Variants in CDC42BPG observed in about 807,000 individuals in gnomAD.
CDC42BPG encodes the protein CDC42 binding protein kinase gamma, also known as serine/threonine-protein kinase MRCK gamma.
In CDC42BPG, 157 loss-of-function variants were observed where a neutral mutation model predicts 192.2. That is an observed-to-expected ratio of 0.82 (90% confidence interval 0.72 to 0.93). CDC42BPG has a LOEUF of 0.93. Among genes scored for constraint, CDC42BPG ranks in the 40% least tolerant of loss-of-function variants. The pLI is 0.00. For synonymous variants in CDC42BPG, 981 were observed against 918.5 expected, an observed-to-expected ratio of 1.07 and a Z score of -1.23; for missense variants, 1,992 against 2,122.1, an observed-to-expected ratio of 0.94 and a Z score of 1.20.
At chr11:64,842,521 TG>T (rs1471198144) in intron 1 of CDC42BPG, among the ~76,000 whole-genome samples, 1 of 152,044 alleles carries the variant, frequency 6.6e-6, no homozygotes, top group Non-Finnish European at 1.5e-5. Flanking sequence ...TCTGCCAAGG[TG>T]CTGAGACTCA....
chr11:64,831,819 GT>G, intron 27 of CDC42BPG, 98 bp from the exon 28 acceptor site: 1 of 1,098,954 alleles, frequency 9.1e-7, no homozygotes, highest in Non-Finnish European at 1.3e-6. Flanking sequence ...GGGGCCTAGC[GT>G]GCACTGTCAG....
intron 36 of CDC42BPG, among the ~76,000 whole-genome samples, chr11:64,825,733 A>AC (rs1388845869): frequency 4.0e-5 from 6 of 151,154 alleles, no homozygotes; most frequent in Admixed American, 2.0e-4. Context: ...CCCTCCTCTG[A>AC]CCCCCCAACT....
rs752100797 is a variant in CDC42BPG at position 64,827,296 on chromosome 11, T to G, written c.4253A>C (p.Gln1418Pro). The G allele has an allele frequency of 2.5e-6, 4 of 1,613,822 alleles. No homozygotes were observed. The highest frequency in any genetic ancestry group is 3.4e-6 in the Non-Finnish European group (4 of 1,179,918). The change falls in exon 33 of 37, where the codon CAG becomes CCG. Residue 1418 changes from glutamine to proline, a missense_variant. By Grantham distance (76) the Gln-to-Pro change is moderately conservative. This residue lies in a region of CDC42BPG where 336 missense variants were observed against 277.9 expected (regional missense o/e 1.21). Coordinates refer to ENST00000342711, the MANE Select transcript of CDC42BPG (RefSeq NM_017525.3). ...CGCGCACCTGCGCTGCTGCTTCTGC[T>G]GCTCCTCCGACACGCGGAAAAAGAA... Reference protein sequence around the residue: ...RRFFFRVSEEQQKQQRREMLK... With the variant: ...RRFFFRVSEEPQKQQRREMLK...
At position 64,837,025 on chromosome 11, in the gene CDC42BPG, G is replaced by C; in HGVS notation, c.1206-6C>G. On this transcript the variant is annotated splice_region_variant and splice_polypyrimidine_tract_variant and intron_variant, in intron 9 of 36. Transcript: ENST00000342711. The stretch of plus-strand genomic sequence containing the variant: ...AGCTGCTCTCAGGACTGTGACTGTA[G>C]GGGGACAGGGGCCATGTTTGTTGGT... 1.2e-6 allele frequency: 2 copies of C among 1,608,774 alleles called. No individual in the cohort carries two copies. Among genetic ancestry groups the C allele is most frequent in the Non-Finnish European group, 1.7e-6 (2 of 1,175,652 alleles).
In CDC42BPG at chr11:64,834,472, C is replaced by T; in HGVS notation, c.2281G>A (p.Glu761Lys). The T allele has an allele frequency of 6.4e-7, 1 of 1,569,296 alleles. No homozygotes were observed. Among genetic ancestry groups the T allele is most frequent in the South Asian group, 1.2e-5 (1 of 86,386 alleles). ...AEIRAKQGLQ[E>K]RLTQVQEAQL... is the part of the protein sequence containing the mutation. ...GCCTCCTGCACCTGTGTCAGCCGCT[C>T]CTGCAGGCCCTGCTTGGCGCGGATC... The change falls in exon 19 of 37, where the codon GAG becomes AAG. Residue 761 changes from glutamate to lysine, a missense_variant. Glu to Lys is a moderately conservative substitution (Grantham distance 56). Around this residue, in one of 2 missense-constraint regions of CDC42BPG, gnomAD observed 1,656 missense variants for 1,844.3 expected, o/e 0.90. Transcript: ENST00000342711.
rs1286071200 is a variant in CDC42BPG at position 64,831,766 on chromosome 11, C to T, written c.3088-45G>A. ...CTGGAGGGCCGTGGACCAGAGCCAT[C>T]TGTCCTCCCTCCCTTCCTGCCTCCA... is the stretch of plus-strand genomic sequence containing the variant. On this transcript the variant is annotated intron_variant, in intron 27 of 36. Coordinates refer to ENST00000342711, the MANE Select transcript of CDC42BPG (RefSeq NM_017525.3). The T allele has an allele frequency of 2.0e-6, 3 of 1,506,634 alleles. No individual in the cohort carries two copies. In the South Asian group the frequency reaches 3.6e-5, roughly 18 times the overall value. The allele number at this position is 1,506,634 out of a possible 1,614,324, so 93.3% of individuals were successfully genotyped here.
At position 64,835,064 on chromosome 11, in the gene CDC42BPG, G is replaced by A. The variant is rs757490277; in HGVS notation, c.2043C>T (p.Leu681=). The change falls in exon 17 of 37, where the codon CTC becomes CTT. Residue 681 remains leucine (L), a synonymous_variant. Coordinates refer to ENST00000342711, the MANE Select transcript of CDC42BPG (RefSeq NM_017525.3). ...GCACCCACCAGCTGAGGATGTCGGCGAGCTGGGCCTCCCAGTTGCTCTCCG... is the reference window on the plus strand; with the variant it reads ...GCACCCACCAGCTGAGGATGTCGGCAAGCTGGGCCTCCCAGTTGCTCTCCG... ...RETESNWEAQ[L]ADILSWVNDE... The A allele has an allele frequency of 1.6e-5, 25 of 1,601,446 alleles. No homozygotes were observed. The East Asian group carries it at 4.5e-4, about 29-fold the overall frequency.
In CDC42BPG at chr11:64,836,759, G is replaced by A; in HGVS notation, c.1364C>T (p.Thr455Ile). 4 of 1,525,154 alleles carry A rather than the reference G, an allele frequency of 2.6e-6. No homozygotes were observed. Among genetic ancestry groups the A allele is most frequent in the Non-Finnish European group, 3.5e-6 (4 of 1,132,942 alleles). The allele number at this position is 1,525,154 out of a possible 1,614,324, so 94.5% of individuals were successfully genotyped here. The change falls in exon 11 of 37, where the codon ACT (threonine) becomes ATT (isoleucine). Residue 455 changes from threonine (T) to isoleucine (I), a missense_variant. Physicochemically the swap from Thr to Ile is moderately conservative, Grantham distance 89 (BLOSUM62 -1). Around this residue, in one of 2 missense-constraint regions of CDC42BPG, gnomAD observed 1,656 missense variants for 1,844.3 expected, o/e 0.90. Transcript: ENST00000342711. Reference sequence around the variant, plus strand: ...GATACCTGGCAGCCTGTCCCGCAGAGTCTGCACTTCCTTCCGTAGCTGCTC... The same window carrying A: ...GATACCTGGCAGCCTGTCCCGCAGAATCTGCACTTCCTTCCGTAGCTGCTC... ...ELEQLRKEVQ[T>I]LRDRLPEMLR...
At chr11:64,832,989 G>A in intron 24 of CDC42BPG, 30 bp from the exon 25 acceptor site, 1 of 1,505,736 alleles carries the variant, frequency 6.6e-7, no homozygotes, top group South Asian at 1.3e-5. Flanking sequence ...GGTGGATGAG[G>A]TGAGGCTGGG....
In CDC42BPG at chr11:64,833,628, G is replaced by A. The variant is rs1942816628; in HGVS notation, c.2597C>T (p.Thr866Ile). The change falls in exon 23 of 37, where the codon ACA becomes ATA. Residue 866 changes from threonine to isoleucine, a missense_variant. This residue lies in a region of CDC42BPG where 1,656 missense variants were observed against 1,844.3 expected (regional missense o/e 0.90). Coordinates refer to ENST00000342711, the MANE Select transcript of CDC42BPG (RefSeq NM_017525.3). ...AVFPRAPTAN[T>I]ASTEGLPAKP... ...AGCAGGAAGACCTTCTGTAGAGGCT[G>A]TGTTGGCAGTGGGTGCTCTGGGGAA... is the stretch of plus-strand genomic sequence containing the variant. 3.1e-6 allele frequency: 5 copies of A among 1,612,010 alleles called. No individual in the cohort carries two copies. The East Asian group carries it at 1.1e-4, about 36-fold the overall frequency.
rs1265312724 is a variant in CDC42BPG at position 64,834,088 on chromosome 11, G to T, written c.2414-111C>A. ...AAATGGGAAATGACCACAGGGTGGG[G>T]CAGGGCTGGGCACAGCAGGCACTCC... On this transcript the variant is annotated intron_variant, in intron 20 of 36. Transcript: ENST00000342711. The T allele has an allele frequency of 1.0e-5, 15 of 1,496,358 alleles. No homozygotes were observed. In the East Asian group the frequency reaches 2.0e-4, roughly 20 times the overall value. The allele number at this position is 1,496,358 out of a possible 1,614,324, so 92.7% of individuals were successfully genotyped here. A position where few individuals can be genotyped will look rare whatever the true frequency, so the allele number is the denominator to read the frequency against.
Position 64,834,507 on chromosome 11 carries a change from A to G in CDC42BPG, c.2246T>C (p.Leu749Pro). Residue 749 changes from leucine to proline, a missense_variant, in exon 19 of 37, where the codon CTG (leucine) becomes CCG (proline). By Grantham distance (98) the Leu-to-Pro change is moderately conservative (BLOSUM62 -3). Coordinates refer to ENST00000342711, the MANE Select transcript of CDC42BPG (RefSeq NM_017525.3). ...ASARLELQSA[L>P]EAEIRAKQGL... ...CTGCTTGGCGCGGATCTCGGCCTCC[A>G]GCGCTGACTGCAGCTCCAGCCTGGC... 1 of 1,578,018 alleles carries G rather than the reference A, an allele frequency of 6.3e-7. No individual in the cohort carries two copies. Among genetic ancestry groups the G allele is most frequent in the South Asian group, 1.1e-5 (1 of 87,056 alleles).
chr11:64,831,852 G>T, intron 27 of CDC42BPG, 131 bp from the exon 28 acceptor site: 2 of 775,166 alleles, frequency 2.6e-6, no homozygotes, highest in Non-Finnish European at 4.1e-6. Context: ...AGGCCAGACA[G>T]GCAAACAGAC....
chr11:64,840,221 C>G lies in CDC42BPG; in HGVS notation c.480G>C (p.Leu160=). ...YYAGGDLLTL[L]SRFEDRLPPE... ...GCGGGAGACGGTCCTCGAAGCGGCT[C>G]AGCAGCGTCAGGAGGTCCCCACCAG... Residue 160 remains leucine, a synonymous_variant, in exon 5 of 37, where the codon CTG becomes CTC. Coordinates refer to ENST00000342711, the MANE Select transcript of CDC42BPG (RefSeq NM_017525.3). 6.2e-7 allele frequency: 1 copy of G among 1,613,048 alleles called. No individual in the cohort carries two copies. The highest frequency in any genetic ancestry group is 8.5e-7 in the Non-Finnish European group (1 of 1,179,996).
intron 22 of CDC42BPG, 34 bp downstream of exon 22, chr11:64,833,704 C>G: frequency 6.2e-7 from 1 of 1,613,420 alleles, no homozygotes; most frequent in Admixed American, 1.7e-5. Flanking sequence ...AGGGCGGGGC[C>G]CAGGCCCCCT....
Position 64,829,976 on chromosome 11 carries a change from G to A in CDC42BPG, c.3462C>T (p.Ser1154=), listed in dbSNP as rs376414221. 3.0e-5 allele frequency: 48 copies of A among 1,612,756 alleles called. No individual in the cohort carries two copies. Among genetic ancestry groups the A allele is most frequent in the East Asian group, 6.7e-5 (3 of 44,890 alleles). Residue 1154 remains serine, a synonymous_variant, in exon 30 of 37, where the codon AGC becomes AGT. Transcript: ENST00000342711. ...LLVVLCGRGP[S]VRLFALAELE... Reference sequence around the variant, plus strand: ...GCTCCGCCAGGGCAAAGAGACGCACGCTGGGGCCGCGGCCACACAGCACGA... The same window carrying A: ...GCTCCGCCAGGGCAAAGAGACGCACACTGGGGCCGCGGCCACACAGCACGA...
chr11:64,841,670 C>G lies in CDC42BPG; in HGVS notation c.316G>C (p.Glu106Gln). The change falls in exon 3 of 37, where the codon GAG becomes CAG. Residue 106 changes from glutamate (E) to glutamine (Q), a missense_variant. Around this residue, in one of 2 missense-constraint regions of CDC42BPG, gnomAD observed 1,656 missense variants for 1,844.3 expected, o/e 0.90. Transcript: ENST00000342711. ...CTGACCTCAGCCCTCTTCAGCATCT[C>G]CCACTTGTGCAGCATTTTCATGGCA... ...IFAMKMLHKW[E>Q]MLKRAETACF... The G allele has an allele frequency of 6.2e-7, 1 of 1,613,652 alleles. No homozygotes were observed. The highest frequency in any genetic ancestry group is 8.5e-7 in the Non-Finnish European group (1 of 1,179,926).
chr11:64,826,542 G>A lies in CDC42BPG; in HGVS notation c.4527C>T (p.Pro1509=), dbSNP rs908639259. 1.1e-5 allele frequency: 18 copies of A among 1,602,410 alleles called. No homozygotes were observed. Among genetic ancestry groups the A allele is most frequent in the South Asian group, 6.8e-5 (6 of 88,684 alleles). The change falls in exon 36 of 37, where the codon CCC becomes CCT. Residue 1509 remains proline (P), a synonymous_variant. Coordinates refer to ENST00000342711, the MANE Select transcript of CDC42BPG (RefSeq NM_017525.3). ...CAGACTCGCTGGACAGGGATGTCCA[G>A]GGTTTCCTCTTCACTGCTCCAGCAG... is the stretch of plus-strand genomic sequence containing the variant. ...GGDADPMKRK[P]WTSLSSESVS...
In CDC42BPG at chr11:64,827,096, T is replaced by C. The variant is rs779408691; in HGVS notation, c.4343A>G (p.His1448Arg). Reference sequence around the variant, plus strand: ...GGGCCGCCCGTTGGCAGGGCCCACGTGTACTAGGTGGTTGAAGTTGGTAGG... The same window carrying C: ...GGGCCGCCCGTTGGCAGGGCCCACGCGTACTAGGTGGTTGAAGTTGGTAGG... The part of the protein sequence containing the change: ...SPPTNFNHLV[H>R]VGPANGRPGA... Residue 1448 changes from histidine (H) to arginine (R), a missense_variant, in exon 34 of 37, where the codon CAC becomes CGC. This residue lies in a region of CDC42BPG where 336 missense variants were observed against 277.9 expected (regional missense o/e 1.21). Transcript: ENST00000342711. The C allele has an allele frequency of 8.1e-6, 13 of 1,613,584 alleles. No homozygotes were observed. In the African/African-American group the frequency reaches 1.7e-4, roughly 22 times the overall value.
Sources: allele counts gnomAD v4.1 joint callset (sites outside exome capture counted in the v4.1 genomes callset), GRCh38; gene constraint gnomAD v4.1.1; regional missense constraint gnomAD v4.1.1; transcripts MANE v1.5; gene names NCBI Gene and HGNC (gene_info 2026-07-23, HGNC 2026-07-21).